The following CCDC18 variants were observed in gnomAD, a reference collection of about 807,000 sequenced individuals.
CCDC18 encodes the protein coiled-coil domain containing 18.
Under a neutral mutation model 196.0 loss-of-function variants are expected in CCDC18, and 157 were observed. That is an observed-to-expected ratio of 0.80 (90% CI 0.70 to 0.91). The LOEUF (loss-of-function observed/expected upper bound fraction) is 0.91. CCDC18 is among the 40% of genes least tolerant of loss of function. The pLI is 0.00. For synonymous variants in CCDC18, 482 were observed against 529.2 expected (o/e 0.91, Z 1.22); for missense variants, 1,465 against 1,611.6 (o/e 0.91, Z 1.56).
At position 93,217,838 on chromosome 1, in the gene CCDC18, A is replaced by G; in HGVS notation, c.1931A>G (p.Gln644Arg). 4 of 1,612,218 alleles carry G rather than the reference A, an allele frequency of 2.5e-6. No individual in the cohort carries two copies. Among genetic ancestry groups the G allele is most frequent in the South Asian group, 1.1e-5 (1 of 90,996 alleles). ...FEKAKKIHLEQHKEMEKQIER... is the reference protein window; with the variant it reads ...FEKAKKIHLERHKEMEKQIER... Reference sequence around the variant, plus strand: ...AAAGCAAAGAAAATTCACTTGGAACAGCATAAAGAAATGGAAAAGCAGATT... The same window carrying G: ...AAAGCAAAGAAAATTCACTTGGAACGGCATAAAGAAATGGAAAAGCAGATT... Residue 644 changes from glutamine to arginine, a missense_variant, in exon 14 of 29, where the codon CAG becomes CGG. Transcript: ENST00000690025.
At chr1:93,255,247 G>A (rs543880916) in intron 24 of CCDC18, among the ~76,000 whole-genome samples, 30 of 152,006 alleles carry the variant, frequency 2.0e-4, no homozygotes, top group Admixed American at 1.0e-3. Context: ...TACCGTGCCC[G>A]GCCGAAGAGT....
intron 24 of CCDC18, among the ~76,000 whole-genome samples, chr1:93,256,060 T>TA (rs1300055195): frequency 6.6e-6 from 1 of 152,188 alleles, no homozygotes; most frequent in East Asian, 1.9e-4. Context: ...TTTAAAATGA[T>TA]AAAAGATTAT....
At chr1:93,185,885 AAG>A (rs1015665727) in intron 3 of CCDC18, among the ~76,000 whole-genome samples, 10 of 151,850 alleles carry the variant, frequency 6.6e-5, no homozygotes, top group African/African-American at 2.4e-4. Context: ...TATATATAAA[AAG>A]AATATAATAA....
Position 93,226,343 on chromosome 1 carries a change from T to C in CCDC18, c.2186T>C (p.Leu729Pro). 7.2e-7 allele frequency: 1 copy of C among 1,385,608 alleles called. No individual in the cohort carries two copies. The highest frequency in any genetic ancestry group is 1.0e-6 in the Non-Finnish European group (1 of 993,478). 85.8% of individuals were successfully genotyped at this position (1,385,608 alleles called of 1,614,324 possible). Residue 729 changes from leucine (L) to proline (P), a missense_variant, in exon 17 of 29, where the codon CTA becomes CCA. Coordinates refer to ENST00000690025, the MANE Select transcript of CCDC18 (RefSeq NM_001378204.1). ...TTTTTTCCTGCTTAGGTTAGGCAACTAGATTCAGCATTGGAAATTTGTAAG... is the reference window on the plus strand; with the variant it reads ...TTTTTTCCTGCTTAGGTTAGGCAACCAGATTCAGCATTGGAAATTTGTAAG... Reference protein sequence around the residue: ...VSEETIKVRQLDSALEICKEE... With the variant: ...VSEETIKVRQPDSALEICKEE...
intron 14 of CCDC18, among the ~76,000 whole-genome samples, chr1:93,220,591 G>A (rs146819482): frequency 5.3e-4 from 81 of 152,144 alleles, no homozygotes; most frequent in African/African-American, 1.7e-3. Flanking sequence ...GGGGTAAAGG[G>A]GTCTATATTC....
rs1015151200 is a variant in CCDC18 at position 93,239,850 on chromosome 1, T to G, written c.2935T>G (p.Leu979Val). The part of the protein sequence containing the change: ...RDVLQKAQLS[L>V]EEKYTTIKDL... ...TGTACTACAGAAGGCTCAATTATCA[T>G]TAGAGGAAAAATACACTACTATAAA... The change falls in exon 21 of 29, where the codon TTA becomes GTA. Residue 979 changes from leucine to valine, a missense_variant. Coordinates refer to ENST00000690025, the MANE Select transcript of CCDC18 (RefSeq NM_001378204.1). 1 of 1,613,032 alleles carries G rather than the reference T, an allele frequency of 6.2e-7. No individual in the cohort carries two copies. The highest frequency in any genetic ancestry group is 8.5e-7 in the Non-Finnish European group (1 of 1,179,348).
chr1:93,260,764 CTCT>C (rs1269510629), intron 26 of CCDC18, among the ~76,000 whole-genome samples: 2 of 152,078 alleles, frequency 1.3e-5, no homozygotes, highest in Non-Finnish European at 2.9e-5. Flanking sequence ...GTTATCCCTC[CTCT>C]AATCCCCCAC....
At chr1:93,185,466 T>C (rs1346786436) in intron 3 of CCDC18, among the ~76,000 whole-genome samples, 3 of 152,008 alleles carry the variant, frequency 2.0e-5, no homozygotes, top group Non-Finnish European at 4.4e-5. Context: ...GGGGGTTAGT[T>C]GAATAAACTA....
chr1:93,268,400 A>G (rs1236401047), intron 27 of CCDC18, among the ~76,000 whole-genome samples: 3 of 152,250 alleles, frequency 2.0e-5, no homozygotes, highest in Non-Finnish European at 4.4e-5. Context: ...TGAAACACCA[A>G]AAGAAATGGC....
At position 93,210,820 on chromosome 1, in the gene CCDC18, G is replaced by A. The variant is rs1245042749; in HGVS notation, c.1228G>A (p.Gly410Ser). 1 of 1,593,212 alleles carries A rather than the reference G, an allele frequency of 6.3e-7. No homozygotes were observed. The highest frequency in any genetic ancestry group is 8.6e-7 in the Non-Finnish European group (1 of 1,161,742). ...SQLPLKRELF[G>S]FKSYLSKYQM... ...CTTGCAGTTAAAAAGAGAATTATTT[G>A]GCTTTAAATCATATCTTTCTAAATA... The change falls in exon 10 of 29, where the codon GGC becomes AGC. Residue 410 changes from glycine (G) to serine (S), a missense_variant. Gly to Ser is a moderately conservative substitution (Grantham distance 56). Transcript: ENST00000690025.
intron 23 of CCDC18, among the ~76,000 whole-genome samples, chr1:93,248,972 CAAAAAAAAAA>C (rs71586786): frequency 2.1e-5 from 2 of 95,760 alleles, no homozygotes; most frequent in Non-Finnish European, 2.2e-5. Context: ...AACCCTGTCT[CAAAAAAAAAA>C]AAAAAAAAAA....
At chr1:93,273,917 T>G (rs1665490076) in intron 28 of CCDC18, among the ~76,000 whole-genome samples, 1 of 152,198 alleles carries the variant, frequency 6.6e-6, no homozygotes, top group African/African-American at 2.4e-5. Flanking sequence ...TAGGTACTAT[T>G]ATCTGAATAG....
chr1:93,220,166 G>C (rs1657171530), intron 14 of CCDC18, among the ~76,000 whole-genome samples: 1 of 152,026 alleles, frequency 6.6e-6, no homozygotes, highest in Admixed American at 6.5e-5. Context: ...GCATATAAGG[G>C]AACAAATGTT....
At chr1:93,273,809 G>A (rs1442519910) in intron 28 of CCDC18, among the ~76,000 whole-genome samples, 1 of 152,184 alleles carries the variant, frequency 6.6e-6, no homozygotes, top group Non-Finnish European at 1.5e-5. Context: ...GATAAGTACA[G>A]TGACAGACTG....
chr1:93,221,389 T>A (rs1186171674), intron 14 of CCDC18, among the ~76,000 whole-genome samples: 1 of 151,428 alleles, frequency 6.6e-6, no homozygotes, highest in Non-Finnish European at 1.5e-5. Context: ...AATGTTGAGC[T>A]TTTTTTTTGT....
At chr1:93,217,980 C>A in intron 14 of CCDC18, 111 bp downstream of exon 14, 1 of 860,378 alleles carries the variant, frequency 1.2e-6, no homozygotes, top group Non-Finnish European at 1.8e-6. Flanking sequence ...AAGTTAGTGG[C>A]AAGAGCTGTA....
intron 14 of CCDC18, among the ~76,000 whole-genome samples, chr1:93,218,802 G>A (rs1277380090): frequency 3.3e-5 from 5 of 151,826 alleles, no homozygotes; most frequent in Non-Finnish European, 7.4e-5. Context: ...GTGAGCCACT[G>A]CGCCCAGCCT....
intron 18 of CCDC18, among the ~76,000 whole-genome samples, chr1:93,234,973 G>GTGTGTGTGTGT (rs1557668666): frequency 5.5e-4 from 80 of 146,212 alleles, no homozygotes; most frequent in South Asian, 1.3e-3. Context: ...GTGTGTGTGT[G>GTGTGTGTGTGT]GCTTTTCTTT....
At chr1:93,235,130 T>C (rs1659899304) in intron 18 of CCDC18, among the ~76,000 whole-genome samples, 1 of 151,866 alleles carries the variant, frequency 6.6e-6, no homozygotes, top group Admixed American at 6.6e-5. Context: ...TGGCAAGATA[T>C]TAATGGTTTA....
Sources: allele counts gnomAD v4.1 joint callset (sites outside exome capture counted in the v4.1 genomes callset), GRCh38; gene constraint gnomAD v4.1.1; transcripts MANE v1.5; gene names NCBI Gene and HGNC (gene_info 2026-07-23, HGNC 2026-07-21).